Variants in BICC1 observed in about 807,000 individuals in gnomAD.
The protein encoded by BICC1 is BicC family RNA binding protein 1.
BICC1 carries 43 observed loss-of-function variants against 111.0 expected under a neutral mutation model. That is an observed-to-expected ratio of 0.39 (90% CI 0.30 to 0.50). BICC1 has a LOEUF of 0.50. BICC1 is among the 20% of genes least tolerant of loss of function. The pLI, the probability that BICC1 is intolerant of heterozygous loss-of-function variation, is 0.88. For missense variants in BICC1, 1,091 were observed against 1,203.2 expected (o/e 0.91, Z 1.38); for synonymous variants, 467 against 434.4 (o/e 1.07, Z -0.93).
chr10:58,572,548 C>A (rs1476830562), intron 1 of BICC1, among the ~76,000 whole-genome samples: 1 of 151,982 alleles, frequency 6.6e-6, no homozygotes, highest in Non-Finnish European at 1.5e-5. Context: ...ATGGGGATTT[C>A]ATTTTTAATC....
intron 3 of BICC1, 107 bp downstream of exon 3, chr10:58,702,250 C>A: frequency 1.3e-6 from 1 of 772,456 alleles, no homozygotes; most frequent in South Asian, 2.1e-5. Flanking sequence ...CACTTTTGTC[C>A]CAAAATGTTT....
intron 2 of BICC1, among the ~76,000 whole-genome samples, chr10:58,621,360 T>G (rs1041363519): frequency 1.3e-5 from 2 of 152,196 alleles, no homozygotes; most frequent in African/African-American, 4.8e-5. Context: ...TTCCATCCTT[T>G]GCTAAATTTA....
chr10:58,534,064 G>A (rs1268594501), intron 1 of BICC1, among the ~76,000 whole-genome samples: 1 of 151,768 alleles, frequency 6.6e-6, no homozygotes, highest in Admixed American at 6.6e-5. Flanking sequence ...CGGGCTGAAA[G>A]TAAAAGGAGG....
chr10:58,586,635 A>T (rs1190024682), intron 1 of BICC1, among the ~76,000 whole-genome samples: 1 of 10,270 alleles, frequency 9.7e-5, no homozygotes, highest in Non-Finnish European at 2.3e-4. Flanking sequence ...AAAAAAAACA[A>T]AAAAAAACCT....
At chr10:58,809,390 G>T (rs1843826237) in intron 17 of BICC1, among the ~76,000 whole-genome samples, 1 of 151,742 alleles carries the variant, frequency 6.6e-6, no homozygotes, top group Non-Finnish European at 1.5e-5. Context: ...TTGAGACCAG[G>T]TTATGAGACT....
intron 12 of BICC1, 85 bp from the exon 13 acceptor site, chr10:58,800,109 C>A: frequency 1.9e-6 from 2 of 1,067,514 alleles, no homozygotes; most frequent in Non-Finnish European, 2.7e-6. Flanking sequence ...TTTTTCGTGG[C>A]TGTTATAAAT....
intron 1 of BICC1, among the ~76,000 whole-genome samples, chr10:58,611,249 A>G (rs756816115): frequency 5.3e-5 from 8 of 152,246 alleles, no homozygotes; most frequent in Non-Finnish European, 1.0e-4. Flanking sequence ...ATTTAAAGGT[A>G]TGCTGAAAAA....
chr10:58,593,540 A>G (rs1844705999), intron 1 of BICC1, among the ~76,000 whole-genome samples: 1 of 152,142 alleles, frequency 6.6e-6, no homozygotes, highest in African/African-American at 2.4e-5. Context: ...CTTCCAGAGG[A>G]AAGATCAAGC....
intron 3 of BICC1, among the ~76,000 whole-genome samples, chr10:58,732,526 ATCCCAGAACTCT>A (rs1278550591): frequency 6.7e-6 from 1 of 149,854 alleles, no homozygotes; most frequent in Non-Finnish European, 1.5e-5. Context: ...CACACCTGTA[ATCCCAGAACTCT>A]GGGAGGCTGA....
intron 2 of BICC1, among the ~76,000 whole-genome samples, chr10:58,647,779 G>GA (rs113946754): frequency 0.018 from 2,466 of 139,644 alleles, 43 homozygotes; most frequent in East Asian, 0.071. Context: ...GGCTTTCTCA[G>GA]AAAAAAAAAA....
chr10:58,769,400 G>GTATATATATA lies in BICC1; in HGVS notation c.308-15600_308-15599insATATATATAT, dbSNP rs1202556984. Among the ~76,000 whole-genome samples the GTATATATATA allele has an allele frequency of 9.4e-4, 100 of 106,558 alleles. 1 individual carries two copies. Among genetic ancestry groups the GTATATATATA allele is most frequent in the East Asian group, 3.0e-3 (8 of 2,650 alleles). The allele number at this position is 106,558 out of a possible 152,430, so 69.9% of individuals were successfully genotyped here. ...TATGTGTGTGTGTGTGTGTGTGTGT[G>GTATATATATA]TGTGTATATATATATATATATATAT... On this transcript the variant is annotated intron_variant, in intron 3 of 20. Transcript: ENST00000373886.
chr10:58,629,057 G>A (rs967116164), intron 2 of BICC1, among the ~76,000 whole-genome samples: 8 of 152,168 alleles, frequency 5.3e-5, no homozygotes, highest in Non-Finnish European at 1.2e-4. Context: ...TGAATTGATA[G>A]TGAGAACTCC....
chr10:58,781,469 T>A (rs1256663027), intron 3 of BICC1, among the ~76,000 whole-genome samples: 2 of 151,818 alleles, frequency 1.3e-5, no homozygotes, highest in Non-Finnish European at 2.9e-5. Flanking sequence ...AAGTAGTAAA[T>A]TTTTTTTTAA....
chr10:58,612,664 C>T (rs932521385), intron 1 of BICC1, among the ~76,000 whole-genome samples: 1 of 150,794 alleles, frequency 6.6e-6, no homozygotes. Context: ...AATTATATCT[C>T]AATTAATTTT....
At chr10:58,827,804 A>C (rs4948549) in intron 20 of BICC1, among the ~76,000 whole-genome samples, 97,293 of 151,922 alleles carry the variant, frequency 0.64, 32,614 homozygotes, top group Non-Finnish European at 0.73. Context: ...ATTTTTGTAA[A>C]GTTACACCAA....
intron 3 of BICC1, among the ~76,000 whole-genome samples, chr10:58,711,431 A>G (rs913952267): frequency 1.3e-5 from 2 of 152,208 alleles, no homozygotes; most frequent in African/African-American, 4.8e-5. Flanking sequence ...CTCTTTCTAC[A>G]TGAATAACTG....
intron 1 of BICC1, among the ~76,000 whole-genome samples, chr10:58,586,335 A>T (rs1844425523): frequency 6.6e-6 from 1 of 152,210 alleles, no homozygotes; most frequent in African/African-American, 2.4e-5. Context: ...TATGAAGTCA[A>T]GCTCTACAAG....
At chr10:58,721,022 A>AC (rs1381109579) in intron 3 of BICC1, among the ~76,000 whole-genome samples, 3 of 152,270 alleles carry the variant, frequency 2.0e-5, no homozygotes, top group African/African-American at 7.2e-5. Context: ...GTGCTTCTCT[A>AC]CCGGAGCACA....
In BICC1 at chr10:58,578,692, C is replaced by T. The variant is rs561894062; in HGVS notation, c.191-42163C>T. Among the ~76,000 whole-genome samples the T allele has an allele frequency of 7.2e-5, 11 of 152,208 alleles. 1 individual carries two copies. In the South Asian group the frequency reaches 1.9e-3, roughly 26 times the overall value. On this transcript the variant is annotated intron_variant, in intron 1 of 20. Coordinates refer to ENST00000373886, the MANE Select transcript of BICC1 (RefSeq NM_001080512.3). ...ATTTGAAAGAGGTGGAGGTAAACAG[C>T]TTCTGGCATAATTGCGAGAGAGGCA...
Sources: gnomAD v4.1 joint callset for allele counts (sites outside exome capture counted in the v4.1 genomes callset) on GRCh38, gnomAD v4.1.1 for gene constraint, MANE v1.5 for transcripts, NCBI Gene and HGNC (gene_info 2026-07-23, HGNC 2026-07-21) for gene names.